The following BTF3 variants were observed in gnomAD, a reference collection of about 807,000 sequenced individuals.
BTF3 encodes basic transcription factor 3, also known as transcription factor BTF3.
BTF3 carries 12 observed loss-of-function variants against 23.9 expected under a neutral mutation model. The ratio of observed to expected loss-of-function variants is 0.50; its 90% confidence interval spans 0.32 to 0.81. BTF3 has a LOEUF of 0.81. Among genes scored for constraint, BTF3 ranks in the 40% least tolerant of loss-of-function variants. BTF3 has a pLI of 0.03. For missense variants in BTF3, 215 were observed against 255.9 expected (o/e 0.84, Z 1.09); for synonymous variants, 96 against 94.8 (o/e 1.01, Z -0.07).
At chr5:73,503,149 A>G (rs1422208759) in intron 4 of BTF3, 32 bp downstream of exon 4, 3 of 1,603,034 alleles carry the variant, frequency 1.9e-6, no homozygotes, top group African/African-American at 1.3e-5. Context: ...TTACCAGGGA[A>G]TTACTCATTT....
rs34051700 is a variant in BTF3, at chr5:73,504,267, C to CTTTTTTTTTTTTTT, written c.518-68_518-55dup. On this transcript the variant is annotated intron_variant, in intron 4 of 5. Transcript: ENST00000380591. ...AACAACACTTGGCATTTCATCTGTTCTTTTTTTTTTTTTTTTTTTTTTTTT... is the reference window on the plus strand; with the variant it reads ...AACAACACTTGGCATTTCATCTGTTCTTTTTTTTTTTTTTTTTTTTTTTTTTTTTTTTTTTTTTT... 4.4e-4 allele frequency: 55 copies of CTTTTTTTTTTTTTT among 125,372 alleles called. 2 individuals are homozygous for CTTTTTTTTTTTTTT. The highest frequency in any genetic ancestry group is 1.2e-3 in the African/African-American group (21 of 17,350). The allele number at this position is 125,372 out of a possible 1,614,324, so 7.8% of individuals were successfully genotyped here. A position where few individuals can be genotyped will look rare whatever the true frequency, so the allele number is the denominator to read the frequency against.
rs1199948224 is a variant in BTF3, at chr5:73,499,292, G to A, written c.201+90G>A. On this transcript the variant is annotated intron_variant, in intron 2 of 5. Coordinates refer to ENST00000380591, the MANE Select transcript of BTF3 (RefSeq NM_001037637.2). ...TTCCTTTTGCGCTTCTTATATTATC[G>A]GTGACAAACTTTGCCTATCGAGGGA... The A allele has an allele frequency of 2.1e-6, 3 of 1,397,804 alleles. No homozygotes were observed. The South Asian group carries it at 3.6e-5, about 17-fold the overall frequency. 86.6% of individuals were successfully genotyped at this position (1,397,804 alleles called of 1,614,324 possible).
chr5:73,505,278 T>A lies in BTF3; in HGVS notation c.*40T>A. 1.9e-6 allele frequency: 3 copies of A among 1,573,104 alleles called. No individual in the cohort carries two copies. The highest frequency in any genetic ancestry group is 2.6e-6 in the Non-Finnish European group (3 of 1,152,984). On this transcript the variant is annotated 3_prime_UTR_variant, in exon 6 of 6. Transcript: ENST00000380591. ...TGAAGATAAAACCTGAAGAAGTTAC[T>A]GGGAGCTGCTATTTTATATTATGAC...
chr5:73,505,464 A>C lies in BTF3; in HGVS notation c.*226A>C. ...CGAAGAAGCCTGGGAATCAAGTTTG[A>C]AACAAAGATTAATAAAGTTCTTTGC... On this transcript the variant is annotated 3_prime_UTR_variant, in exon 6 of 6. Coordinates refer to ENST00000380591, the MANE Select transcript of BTF3 (RefSeq NM_001037637.2). The C allele has an allele frequency of 2.3e-6, 1 of 440,992 alleles. No individual in the cohort carries two copies. The highest frequency in any genetic ancestry group is 3.5e-5 in the South Asian group (1 of 28,406). 27.3% of individuals were successfully genotyped at this position (440,992 alleles called of 1,614,324 possible). A position where few individuals can be genotyped will look rare whatever the true frequency, so the allele number is the denominator to read the frequency against.
intron 2 of BTF3, 69 bp from the exon 3 acceptor site, chr5:73,502,417 CTA>C (rs1746458392): frequency 1.8e-6 from 2 of 1,082,432 alleles, no homozygotes; most frequent in South Asian, 1.6e-5. Flanking sequence ...GAATTGGAAA[CTA>C]TTCCCATTTG....
chr5:73,504,338 C>T lies in BTF3; in HGVS notation c.518-9C>T, dbSNP rs762043512. On this transcript the variant is annotated splice_polypyrimidine_tract_variant and intron_variant, in intron 4 of 5. Coordinates refer to ENST00000380591, the MANE Select transcript of BTF3 (RefSeq NM_001037637.2). ...CTAGACAAATAATGTTTACATTTTC[C>T]TTTCATAGCTGTGGATGGAAAAGCA... 2 of 1,288,852 alleles carry T rather than the reference C, an allele frequency of 1.6e-6. No homozygotes were observed. Among genetic ancestry groups the T allele is most frequent in the Admixed American group, 2.8e-5 (1 of 35,628 alleles). 79.8% of individuals were successfully genotyped at this position (1,288,852 alleles called of 1,614,324 possible). A position where few individuals can be genotyped will look rare whatever the true frequency, so the allele number is the denominator to read the frequency against.
chr5:73,504,991 C>G (rs1249029520), intron 5 of BTF3, among the ~76,000 whole-genome samples: 3 of 131,726 alleles, frequency 2.3e-5, no homozygotes, highest in African/African-American at 3.6e-5. Flanking sequence ...TCTGCTCCCC[C>G]ACTATTGACC....
At chr5:73,505,070 G>A in intron 5 of BTF3, 122 bp from the exon 6 acceptor site, 1 of 796,066 alleles carries the variant, frequency 1.3e-6, no homozygotes, top group South Asian at 1.7e-5. Context: ...TGTTCTTGGG[G>A]CTATGACACA....
In BTF3 at chr5:73,503,447, A is replaced by G. The variant is rs138027235; in HGVS notation, c.517+330A>G. ...TTGGAATTGAAAAAAAAATTAGTGTAAATTATGAAATTACTTCAGTTTCAT... is the reference window on the plus strand; with the variant it reads ...TTGGAATTGAAAAAAAAATTAGTGTGAATTATGAAATTACTTCAGTTTCAT... On this transcript the variant is annotated intron_variant, in intron 4 of 5. Coordinates refer to ENST00000380591, the MANE Select transcript of BTF3 (RefSeq NM_001037637.2). Among the ~76,000 whole-genome samples the G allele has an allele frequency of 3.8e-3, 586 of 152,368 alleles. 4 individuals carry two copies. Among genetic ancestry groups the G allele is most frequent in the Non-Finnish European group, 6.3e-3 (426 of 68,026 alleles).
chr5:73,502,781 A>G, intron 3 of BTF3, 135 bp from the exon 4 acceptor site: 1 of 922,338 alleles, frequency 1.1e-6, no homozygotes, highest in Non-Finnish European at 1.6e-6. Context: ...CTATTAGAAT[A>G]CATATTCCAT....
intron 3 of BTF3, 100 bp downstream of exon 3, chr5:73,502,701 A>C: frequency 1.1e-6 from 1 of 881,806 alleles, no homozygotes; most frequent in South Asian, 1.8e-5. Context: ...TAACTTAGGG[A>C]CTTCAAAGTC....
rs1386174327 is a variant in BTF3 at position 73,498,602 on chromosome 5, C to T, written c.-66C>T. ...CGGCGGCGTGGTAGGAGGACGGGAG[C>T]GGGGGCGGGAAGTTCCCTGAAGGAG... On this transcript the variant is annotated 5_prime_UTR_variant, in exon 1 of 6. Transcript: ENST00000380591. 1.4e-6 allele frequency: 2 copies of T among 1,418,162 alleles called. No homozygotes were observed. Among genetic ancestry groups the T allele is most frequent in the African/African-American group, 1.5e-5 (1 of 66,004 alleles). 87.8% of individuals were successfully genotyped at this position (1,418,162 alleles called of 1,614,324 possible). A position where few individuals can be genotyped will look rare whatever the true frequency, so the allele number is the denominator to read the frequency against.
intron 1 of BTF3, 92 bp from the exon 2 acceptor site, chr5:73,499,041 GT>G: frequency 7.2e-7 from 1 of 1,396,636 alleles, no homozygotes. Context: ...TGTGTAGGAC[GT>G]TTATTTTCCT....
chr5:73,499,682 T>C (rs1040281200), intron 2 of BTF3: 3 of 214,290 alleles, frequency 1.4e-5, no homozygotes, highest in Non-Finnish European at 2.9e-5. Context: ...TTAAGAGCAG[T>C]GACTATTAGA....
At chr5:73,499,510 C>A in intron 2 of BTF3, 1 of 422,426 alleles carries the variant, frequency 2.4e-6, no homozygotes, top group South Asian at 2.1e-5. Flanking sequence ...GATCGTTGTG[C>A]ACATCATACC....
chr5:73,500,099 A>G (rs761539372), intron 2 of BTF3, among the ~76,000 whole-genome samples: 6 of 152,214 alleles, frequency 3.9e-5, no homozygotes, highest in Non-Finnish European at 5.9e-5. Context: ...TTAGACTTAA[A>G]TAATAATATA....
chr5:73,499,047 T>C (rs1253469256), intron 1 of BTF3, 87 bp from the exon 2 acceptor site: 1 of 1,422,924 alleles, frequency 7.0e-7, no homozygotes, highest in African/African-American at 1.5e-5. Flanking sequence ...GGACGTTTAT[T>C]TTCCTGCTGG....
chr5:73,501,109 G>C (rs1746425250), intron 2 of BTF3, among the ~76,000 whole-genome samples: 1 of 152,152 alleles, frequency 6.6e-6, no homozygotes. Flanking sequence ...CTTTCACAGT[G>C]TAATATACAT....
intron 5 of BTF3, 47 bp from the exon 6 acceptor site, chr5:73,505,145 T>C: frequency 6.8e-7 from 1 of 1,462,744 alleles, no homozygotes; most frequent in East Asian, 2.3e-5. Context: ...GATAATTATT[T>C]GTAGATTTGG....
Sources: allele counts gnomAD v4.1 joint callset (sites outside exome capture counted in the v4.1 genomes callset), GRCh38; gene constraint gnomAD v4.1.1; transcripts MANE v1.5; gene names NCBI Gene and HGNC (gene_info 2026-07-23, HGNC 2026-07-21).